Variants in LAMC2 observed in about 807,000 individuals in gnomAD.
LAMC2 encodes laminin subunit gamma 2.
In LAMC2, 97 loss-of-function variants were observed where a neutral mutation model predicts 140.2. The ratio of observed to expected loss-of-function variants is 0.69; its 90% confidence interval spans 0.59 to 0.82. The LOEUF is 0.82. Among genes scored for constraint, LAMC2 ranks in the 40% least tolerant of loss-of-function variants. The pLI, the probability that LAMC2 is intolerant of heterozygous loss-of-function variation, is 0.00. For synonymous variants in LAMC2, 513 were observed against 540.2 expected, an observed-to-expected ratio of 0.95 and a Z score of 0.70; for missense variants, 1,402 against 1,476.1, an observed-to-expected ratio of 0.95 and a Z score of 0.82.
intron 2 of LAMC2, among the ~76,000 whole-genome samples, chr1:183,208,967 C>A (rs1658987772): frequency 6.6e-6 from 1 of 150,884 alleles, no homozygotes; most frequent in Admixed American, 6.6e-5. Flanking sequence ...GTGTGAGCCA[C>A]CGCGCCTGGC....
chr1:183,232,108 C>T, intron 12 of LAMC2, 79 bp from the exon 13 acceptor site: 4 of 1,544,516 alleles, frequency 2.6e-6, no homozygotes, highest in Non-Finnish European at 3.6e-6. Context: ...TTAGTATTAT[C>T]CCCTGGGTAC....
intron 1 of LAMC2, among the ~76,000 whole-genome samples, chr1:183,202,630 C>T (rs1255208006): frequency 6.6e-6 from 1 of 152,082 alleles, no homozygotes; most frequent in Non-Finnish European, 1.5e-5. Context: ...GAAAATAGAA[C>T]TAAAACAGCA....
At position 183,220,903 on chromosome 1, in the gene LAMC2, C is replaced by T. The variant is rs1160424566; in HGVS notation, c.582C>T (p.Ala194=). 4.3e-6 allele frequency: 7 copies of T among 1,613,894 alleles called. No individual in the cohort carries two copies. Among genetic ancestry groups the T allele is most frequent in the Non-Finnish European group, 5.1e-6 (6 of 1,179,854 alleles). Residue 194 remains alanine, a synonymous_variant, in exon 5 of 23, where the codon GCC becomes GCT. Transcript: ENST00000264144. ...AGTGTTTCTGCTATGGGCATTCAGCCAGCTGCCGCAGCTCTGCAGAATACA... is the reference window on the plus strand; with the variant it reads ...AGTGTTTCTGCTATGGGCATTCAGCTAGCTGCCGCAGCTCTGCAGAATACA... ...CTQCFCYGHS[A]SCRSSAEYSV...
At chr1:183,194,252 A>G (rs971213815) in intron 1 of LAMC2, among the ~76,000 whole-genome samples, 24 of 78,626 alleles carry the variant, frequency 3.1e-4, no homozygotes, top group African/African-American at 2.6e-3. Context: ...TTTTTTCTGA[A>G]AAAAAAAAAA....
Position 183,237,430 on chromosome 1 carries a change from C to A in LAMC2, c.2680C>A (p.Arg894Ser). The change falls in exon 18 of 23, where the codon CGT (arginine) becomes AGT (serine). Residue 894 changes from arginine (R) to serine (S), a missense_variant. Coordinates refer to ENST00000264144, the MANE Select transcript of LAMC2 (RefSeq NM_005562.3). The stretch of plus-strand genomic sequence containing the variant: ...AACCAGGCATATGGATGAGTTCAAG[C>A]GTACACAGAAGAATCTGGGAAACTG... Reference protein sequence around the residue: ...LVTRHMDEFKRTQKNLGNWKE... With the variant: ...LVTRHMDEFKSTQKNLGNWKE... The A allele has an allele frequency of 1.2e-6, 2 of 1,614,032 alleles. No homozygotes were observed. The highest frequency in any genetic ancestry group is 1.7e-6 in the Non-Finnish European group (2 of 1,179,910).
At position 183,232,717 on chromosome 1, in the gene LAMC2, C is replaced by T. The variant is rs202038614; in HGVS notation, c.2080C>T (p.Arg694Cys). Residue 694 changes from arginine (R) to cysteine (C), a missense_variant, in exon 14 of 23, where the codon CGC becomes TGC. Coordinates refer to ENST00000264144, the MANE Select transcript of LAMC2 (RefSeq NM_005562.3). ...VRSQENSYQS[R>C]LDDLKMTVER... The stretch of plus-strand genomic sequence containing the variant: ...GAGCCAAGAGAACAGCTACCAGAGC[C>T]GCCTGGATGACCTCAAGATGACTGT... The T allele has an allele frequency of 1.6e-4, 263 of 1,613,806 alleles. 3 individuals carry two copies. In the South Asian group the frequency reaches 2.7e-3, roughly 16 times the overall value.
In LAMC2 at chr1:183,228,677, C is replaced by T; in HGVS notation, c.1714+58C>T. 1.2e-6 allele frequency: 2 copies of T among 1,606,102 alleles called. No homozygotes were observed. Among genetic ancestry groups the T allele is most frequent in the East Asian group, 4.5e-5 (2 of 44,852 alleles). ...GCGTGCCTGTGTACGTATGCACTTGCTTGCCATCTAAGCAGGGACAATGGC... is the reference window on the plus strand; with the variant it reads ...GCGTGCCTGTGTACGTATGCACTTGTTTGCCATCTAAGCAGGGACAATGGC... On this transcript the variant is annotated intron_variant, in intron 11 of 22. Coordinates refer to ENST00000264144, the MANE Select transcript of LAMC2 (RefSeq NM_005562.3). The surrounding 1 kb of genome is among the most constrained non-coding windows in gnomAD (Gnocchi z 4.3).
Position 183,243,579 on chromosome 1 carries a change from C to A in LAMC2, c.*179C>A. 1.4e-6 allele frequency: 1 copy of A among 704,720 alleles called. No homozygotes were observed. 43.7% of individuals were successfully genotyped at this position (704,720 alleles called of 1,614,324 possible). A position where few individuals can be genotyped will look rare whatever the true frequency, so the allele number is the denominator to read the frequency against. On this transcript the variant is annotated 3_prime_UTR_variant, in exon 23 of 23. Coordinates refer to ENST00000264144, the MANE Select transcript of LAMC2 (RefSeq NM_005562.3). ...CAGGTGGTTGTCTTATTGCACCATA[C>A]TCCTTGCTTCCTGATGCTGGGCAAT... is the stretch of plus-strand genomic sequence containing the variant.
At chr1:183,249,148 G>A (rs201379556), downstream of LAMC2, 3 of 152,144 alleles carry the variant, frequency 2.0e-5, no homozygotes, top group Admixed American at 1.3e-4. Flanking sequence ...GTCTCTAGAA[G>A]CTCTAGCTTT....
At chr1:183,199,011 A>G (rs943295137) in intron 1 of LAMC2, among the ~76,000 whole-genome samples, 4 of 151,772 alleles carry the variant, frequency 2.6e-5, no homozygotes, top group African/African-American at 9.7e-5. Context: ...GACAATGGAA[A>G]CTTTGTGTAA....
At chr1:183,197,979 A>G (rs1056290350) in intron 1 of LAMC2, among the ~76,000 whole-genome samples, 38 of 152,102 alleles carry the variant, frequency 2.5e-4, no homozygotes, top group African/African-American at 8.7e-4. Context: ...GCAGTATGAC[A>G]TCATTGTATC....
rs557277080 is a variant in LAMC2 at position 183,226,430 on chromosome 1, T to C, written c.1067-268T>C. Among the ~76,000 whole-genome samples, 23 of 152,268 alleles carry C rather than the reference T, an allele frequency of 1.5e-4. No homozygotes were observed. The South Asian group carries it at 4.8e-3, about 32-fold the overall frequency. ...ACCGTTACTTCTTGTCTATAGTTGA[T>C]GAAACACAGTCATGGAGAGGCTAAG... is the stretch of plus-strand genomic sequence containing the variant. On this transcript the variant is annotated intron_variant, in intron 8 of 22. Coordinates refer to ENST00000264144, the MANE Select transcript of LAMC2 (RefSeq NM_005562.3).
At chr1:183,209,934 G>A (rs961181517) in intron 2 of LAMC2, among the ~76,000 whole-genome samples, 2 of 152,078 alleles carry the variant, frequency 1.3e-5, no homozygotes, top group African/African-American at 4.8e-5. Context: ...CAGACTCAGT[G>A]GGAACAGCTT....
chr1:183,245,485 A>G (rs1177026873), downstream of LAMC2, among the ~76,000 whole-genome samples: 1 of 152,186 alleles, frequency 6.6e-6, no homozygotes, highest in Non-Finnish European at 1.5e-5. Context: ...TGCCATTTAC[A>G]TGTGACTTCT....
chr1:183,199,526 A>G (rs750513804), intron 1 of LAMC2, among the ~76,000 whole-genome samples: 1 of 146,558 alleles, frequency 6.8e-6, no homozygotes, highest in Non-Finnish European at 1.5e-5. Context: ...CTCTCCTTCT[A>G]TCCATCATGC....
At chr1:183,224,606 G>A (rs1054274826) in intron 7 of LAMC2, among the ~76,000 whole-genome samples, 1 of 150,606 alleles carries the variant, frequency 6.6e-6, no homozygotes, top group African/African-American at 2.5e-5. Context: ...ATGGCAATAG[G>A]GAAAAGAAGA....
At chr1:183,197,675 C>CAAA (rs201843893) in intron 1 of LAMC2, among the ~76,000 whole-genome samples, 3 of 123,738 alleles carry the variant, frequency 2.4e-5, no homozygotes, top group African/African-American at 9.2e-5. Flanking sequence ...GACTCCGTCT[C>CAAA]AAAAAAAAAA....
downstream of LAMC2, among the ~76,000 whole-genome samples, chr1:183,247,145 C>G (rs1660256755): frequency 6.6e-6 from 1 of 152,106 alleles, no homozygotes; most frequent in Non-Finnish European, 1.5e-5. Flanking sequence ...AACCCTGTCT[C>G]TACTAAAAAT....
chr1:183,186,339 G>C lies in LAMC2; in HGVS notation c.-14G>C. ...CCTGCAGCGGAGACAGAGACTGAGCGGCCCGGCCCCGCCATGCCTGCGCTC... is the reference window on the plus strand; with the variant it reads ...CCTGCAGCGGAGACAGAGACTGAGCCGCCCGGCCCCGCCATGCCTGCGCTC... On this transcript the variant is annotated 5_prime_UTR_variant, in exon 1 of 23. Transcript: ENST00000264144. 6.3e-7 allele frequency: 1 copy of C among 1,587,818 alleles called. No homozygotes were observed. Among genetic ancestry groups the C allele is most frequent in the Non-Finnish European group, 8.5e-7 (1 of 1,173,728 alleles).
Sources: allele counts gnomAD v4.1 joint callset (sites outside exome capture counted in the v4.1 genomes callset), GRCh38; gene constraint gnomAD v4.1.1; non-coding constraint Gnocchi (gnomAD v3.1); transcripts MANE v1.5; gene names NCBI Gene and HGNC (gene_info 2026-07-23, HGNC 2026-07-21).